The following CTNND2 variants were observed in gnomAD, a reference collection of about 807,000 sequenced individuals.
The protein encoded by CTNND2 is catenin delta 2, also known as catenin delta-2.
Under a neutral mutation model 144.4 loss-of-function variants are expected in CTNND2, and 22 were observed. The observed-to-expected ratio is 0.15, with a 90% CI of 0.11 to 0.22. CTNND2 has a LOEUF of 0.22. CTNND2 is among the 10% of genes least tolerant of loss of function. CTNND2 has a pLI of 1.00. For missense variants in CTNND2, 1,353 were observed against 1,618.8 expected, an observed-to-expected ratio of 0.84 and a Z score of 2.82; for synonymous variants, 751 against 695.6, an observed-to-expected ratio of 1.08 and a Z score of -1.25.
intron 2 of CTNND2, among the ~76,000 whole-genome samples, chr5:11,699,456 G>C (rs1785315304): frequency 6.6e-6 from 1 of 152,152 alleles, no homozygotes; most frequent in South Asian, 2.1e-4. Flanking sequence ...GGTATGTGGA[G>C]TTCAATTTGC....
In CTNND2 at chr5:11,600,317, T is replaced by A. The variant is rs189138332; in HGVS notation, c.175-35261A>T. ...TAAAAAAACAAAACAACAAAAAAAA[T>A]TTTGTATTATATGTATCAACTATTT... On this transcript the variant is annotated intron_variant, in intron 2 of 21. Coordinates refer to ENST00000304623, the MANE Select transcript of CTNND2 (RefSeq NM_001332.4). Among the ~76,000 whole-genome samples the A allele has an allele frequency of 7.0e-4, 106 of 152,260 alleles. 1 individual carries two copies. In the Middle Eastern group the frequency reaches 0.01, roughly 15 times the overall value.
At chr5:11,019,184 A>C (rs2149534120) in intron 17 of CTNND2, among the ~76,000 whole-genome samples, 1 of 152,368 alleles carries the variant, frequency 6.6e-6, no homozygotes, top group African/African-American at 2.4e-5. Flanking sequence ...GTGTGGAACC[A>C]AAACTACAAT....
At chr5:11,011,360 G>T (rs1469683702) in intron 18 of CTNND2, among the ~76,000 whole-genome samples, 1 of 151,946 alleles carries the variant, frequency 6.6e-6, no homozygotes, top group African/African-American at 2.4e-5. Context: ...ATTACAGGCG[G>T]ATTGCACTGC....
At chr5:11,441,875 C>A (rs1055462537) in intron 3 of CTNND2, among the ~76,000 whole-genome samples, 1 of 152,148 alleles carries the variant, frequency 6.6e-6, no homozygotes, top group African/African-American at 2.4e-5. Context: ...TTAGCATAAA[C>A]CCGTGCCTTA....
chr5:11,283,711 G>C (rs1005583552), intron 9 of CTNND2, among the ~76,000 whole-genome samples: 1 of 120,164 alleles, frequency 8.3e-6, no homozygotes, highest in Non-Finnish European at 1.8e-5. Context: ...AAAAAAGAGA[G>C]AGACATGGGA....
chr5:11,824,325 C>T (rs1015536203), intron 1 of CTNND2, among the ~76,000 whole-genome samples: 1 of 152,094 alleles, frequency 6.6e-6, no homozygotes, highest in Non-Finnish European at 1.5e-5. Context: ...ACCCTCTTCT[C>T]CACACCTTTG....
chr5:11,758,634 T>C (rs1197919901), intron 1 of CTNND2, among the ~76,000 whole-genome samples: 1 of 152,104 alleles, frequency 6.6e-6, no homozygotes, highest in Non-Finnish European at 1.5e-5. Flanking sequence ...AATTTCTCTG[T>C]GTTTACAATT....
chr5:11,408,844 A>G (rs1761294542), intron 5 of CTNND2, among the ~76,000 whole-genome samples: 1 of 152,090 alleles, frequency 6.6e-6, no homozygotes, highest in Non-Finnish European at 1.5e-5. Context: ...GCTCAGTACT[A>G]TTATTTGACT....
chr5:11,903,339 C>T lies in CTNND2; in HGVS notation c.37+478G>A, dbSNP rs1738061228. 2.0e-6 allele frequency: 2 copies of T among 986,842 alleles called. No individual in the cohort carries two copies. Among genetic ancestry groups the T allele is most frequent in the Non-Finnish European group, 1.2e-6 (1 of 831,128 alleles). The allele number at this position is 986,842 out of a possible 1,614,324, so 61.1% of individuals were successfully genotyped here. ...GGGAGCCTGAAGACACGGCCATGGA[C>T]GCATATGACTAAGTCTTTCCATTTT... On this transcript the variant is annotated intron_variant, in intron 1 of 21. Coordinates refer to ENST00000304623, the MANE Select transcript of CTNND2 (RefSeq NM_001332.4). The surrounding 1 kb of genome is among the most constrained non-coding windows in gnomAD (Gnocchi z 5.4).
At chr5:11,208,130 T>G (rs1348908384) in intron 10 of CTNND2, among the ~76,000 whole-genome samples, 1 of 151,962 alleles carries the variant, frequency 6.6e-6, no homozygotes, top group African/African-American at 2.4e-5. Context: ...GTATAGAAAA[T>G]ACTTAGGAAA....
chr5:11,857,815 A>G (rs1201068674), intron 1 of CTNND2, among the ~76,000 whole-genome samples: 2 of 152,194 alleles, frequency 1.3e-5, no homozygotes, highest in East Asian at 1.9e-4. Flanking sequence ...GCATGAGCAT[A>G]TAAGAAAAGG....
At chr5:11,746,035 G>A (rs1788291310) in intron 1 of CTNND2, among the ~76,000 whole-genome samples, 1 of 152,112 alleles carries the variant, frequency 6.6e-6, no homozygotes, top group Non-Finnish European at 1.5e-5. Context: ...AGAAACCACT[G>A]ACACAGAGGA....
chr5:11,843,492 T>C (rs1794583797), intron 1 of CTNND2, among the ~76,000 whole-genome samples: 1 of 152,194 alleles, frequency 6.6e-6, no homozygotes, highest in South Asian at 2.1e-4. Flanking sequence ...AGACAGCCTG[T>C]ATCATCAGTA....
chr5:11,250,491 C>CTCTCTCTCTCTCTATATATATA (rs869141186), intron 9 of CTNND2, among the ~76,000 whole-genome samples: 5 of 64,108 alleles, frequency 7.8e-5, no homozygotes, highest in Non-Finnish European at 1.0e-4. Flanking sequence ...CTCTCTCTCT[C>CTCTCTCTCTCTCTATATATATA]TATATATATA....
chr5:11,137,280 G>T (rs992418916), intron 12 of CTNND2, among the ~76,000 whole-genome samples: 5 of 152,278 alleles, frequency 3.3e-5, no homozygotes, highest in Admixed American at 6.5e-5. Flanking sequence ...TTGGGAGCAT[G>T]TTGATCTAAA....
At chr5:11,651,314 A>G (rs1006718658) in intron 2 of CTNND2, among the ~76,000 whole-genome samples, 1 of 152,230 alleles carries the variant, frequency 6.6e-6, no homozygotes, top group Non-Finnish European at 1.5e-5. Context: ...TGCAGAGAGG[A>G]CAAGAATTGA....
At chr5:11,021,158 CT>C (rs539936001) in intron 17 of CTNND2, among the ~76,000 whole-genome samples, 131 of 152,116 alleles carry the variant, frequency 8.6e-4, no homozygotes, top group South Asian at 1.2e-3. Context: ...CTCAATAAAA[CT>C]TTTTTTTCTC....
chr5:11,344,193 A>G (rs565594932), intron 9 of CTNND2, among the ~76,000 whole-genome samples: 1 of 152,122 alleles, frequency 6.6e-6, no homozygotes, highest in Admixed American at 6.5e-5. Context: ...TCACGAGGTC[A>G]GGAGATCGAG....
At chr5:11,476,809 C>T (rs556097444) in intron 3 of CTNND2, among the ~76,000 whole-genome samples, 8 of 152,222 alleles carry the variant, frequency 5.3e-5, no homozygotes, top group East Asian at 1.9e-4. Flanking sequence ...TACTTGACAG[C>T]GGCATACTGT....
Sources: gnomAD v4.1 joint callset for allele counts (sites outside exome capture counted in the v4.1 genomes callset) on GRCh38, gnomAD v4.1.1 for gene constraint, Gnocchi (gnomAD v3.1) non-coding constraint, MANE v1.5 for transcripts, NCBI Gene and HGNC (gene_info 2026-07-23, HGNC 2026-07-21) for gene names.